The following BORCS5 variants were observed in gnomAD, a reference collection of about 807,000 sequenced individuals.
The protein encoded by BORCS5 is BLOC-1 related complex subunit 5.
In BORCS5, 17 loss-of-function variants were observed where a neutral mutation model predicts 22.1. The observed-to-expected ratio is 0.77, with a 90% confidence interval of 0.53 to 1.15. The LOEUF (loss-of-function observed/expected upper bound fraction) is 1.15, where lower values mean the gene tolerates loss of function less well. BORCS5 is among the 50% of genes most tolerant of loss of function. The probability of loss-of-function intolerance (pLI) is 0.00; values close to 1 mark genes in which losing one functional copy is unlikely to be tolerated. For synonymous variants in BORCS5, 117 were observed against 99.8 expected (o/e 1.17, Z -1.03); for missense variants, 247 against 253.2 (o/e 0.98, Z 0.17).
At chr12:12,403,064 C>G in intron 2 of BORCS5, among the ~76,000 whole-genome samples, 1 of 144,762 alleles carries the variant, frequency 6.9e-6, no homozygotes, top group Non-Finnish European at 1.5e-5. Flanking sequence ...CCACATTTCC[C>G]TTTTTTTTTT....
chr12:12,455,778 TAAAA>T (rs144613630), intron 3 of BORCS5, among the ~76,000 whole-genome samples: 1 of 142,004 alleles, frequency 7.0e-6, no homozygotes. Context: ...GACTCGGTCT[TAAAA>T]AAAAAAAAAA....
intron 3 of BORCS5, among the ~76,000 whole-genome samples, chr12:12,456,009 G>T (rs1456812955): frequency 6.6e-6 from 1 of 152,104 alleles, no homozygotes; most frequent in Non-Finnish European, 1.5e-5. Flanking sequence ...TAAGTTTTTA[G>T]AATTTAAAAG....
chr12:12,403,473 G>A (rs143894676), intron 2 of BORCS5, among the ~76,000 whole-genome samples: 107 of 152,226 alleles, frequency 7.0e-4, no homozygotes, highest in Non-Finnish European at 8.5e-4. Flanking sequence ...TCCCTAGTCC[G>A]CTGTGGGGGG....
At chr12:12,421,350 G>A (rs1022580426) in intron 2 of BORCS5, among the ~76,000 whole-genome samples, 12 of 152,086 alleles carry the variant, frequency 7.9e-5, no homozygotes, top group South Asian at 2.1e-4. Context: ...GATGGATTAC[G>A]TTTATTGATT....
intron 2 of BORCS5, among the ~76,000 whole-genome samples, chr12:12,416,537 G>A (rs1218753299): frequency 6.6e-6 from 1 of 151,822 alleles, no homozygotes; most frequent in Non-Finnish European, 1.5e-5. Context: ...TCGAACTCCT[G>A]GACTCAAGTG....
intron 3 of BORCS5, among the ~76,000 whole-genome samples, chr12:12,449,223 G>A (rs375939880): frequency 5.3e-5 from 8 of 151,986 alleles, no homozygotes; most frequent in African/African-American, 1.9e-4. Flanking sequence ...GAATTAGTCA[G>A]AAAGGGCTGG....
chr12:12,464,313 G>A (rs527799690), intron 3 of BORCS5, among the ~76,000 whole-genome samples: 155 of 152,104 alleles, frequency 1.0e-3, no homozygotes, highest in African/African-American at 3.5e-3. Context: ...GATGTGCTTC[G>A]GTCGCCTCCC....
At position 12,465,851 on chromosome 12, in the gene BORCS5, C is replaced by G; in HGVS notation, c.*75C>G. 7.7e-7 allele frequency: 1 copy of G among 1,301,922 alleles called. No individual in the cohort carries two copies. Among genetic ancestry groups the G allele is most frequent in the Non-Finnish European group, 1.1e-6 (1 of 941,582 alleles). The allele number at this position is 1,301,922 out of a possible 1,614,324, so 80.6% of individuals were successfully genotyped here. ...AGGACGTGTGGAGCTAAGGTCATAT[C>G]ATCTGACCAGGTCTGGAGGCTGGCG... On this transcript the variant is annotated 3_prime_UTR_variant, in exon 4 of 4. Transcript: ENST00000314565.
In BORCS5 at chr12:12,470,042, C is replaced by T. The variant is rs561818864; in HGVS notation, c.*4266C>T. Among the ~76,000 whole-genome samples, 165 of 152,096 alleles carry T rather than the reference C, an allele frequency of 1.1e-3. No homozygotes were observed. Among genetic ancestry groups the T allele is most frequent in the Non-Finnish European group, 2.1e-3 (144 of 68,002 alleles). ...AGTGTGCTGCACAGCAGGAGGTGAGCGGCGGATGAGCAGGTGAAGCTTCAC... is the reference window on the plus strand; with the variant it reads ...AGTGTGCTGCACAGCAGGAGGTGAGTGGCGGATGAGCAGGTGAAGCTTCAC... On this transcript the variant is annotated 3_prime_UTR_variant, in exon 4 of 4. Transcript: ENST00000314565.
At chr12:12,420,828 G>A (rs936698038) in intron 2 of BORCS5, among the ~76,000 whole-genome samples, 1 of 152,184 alleles carries the variant, frequency 6.6e-6, no homozygotes, top group African/African-American at 2.4e-5. Flanking sequence ...GTGAATGGGA[G>A]TTCACTCATA....
chr12:12,374,281 G>A (rs1177294669), intron 2 of BORCS5, among the ~76,000 whole-genome samples: 6 of 151,740 alleles, frequency 4.0e-5, no homozygotes, highest in Non-Finnish European at 7.4e-5. Flanking sequence ...GTGAGCCACC[G>A]CACCCGGCCA....
chr12:12,424,482 AG>A lies in BORCS5; in HGVS notation c.203-11145del, dbSNP rs574493620. 2.4e-4 allele frequency among the ~76,000 whole-genome samples: 36 copies of A among 152,086 alleles called. 1 individual carries two copies. In the East Asian group the frequency reaches 6.9e-3, roughly 29 times the overall value. ...TCCTTTAGCTCTTTGAGCATCTTTA[AG>A]ACAGTTGTTTTAAAGTCTTTGTCTA... On this transcript the variant is annotated intron_variant, in intron 2 of 3. Transcript: ENST00000314565.
chr12:12,418,635 T>C (rs1942034647), intron 2 of BORCS5, among the ~76,000 whole-genome samples: 1 of 152,200 alleles, frequency 6.6e-6, no homozygotes, highest in Admixed American at 6.5e-5. Flanking sequence ...TACAGTGAGC[T>C]ATCATCATGC....
intron 3 of BORCS5, among the ~76,000 whole-genome samples, chr12:12,459,438 G>A (rs2136157612): frequency 6.6e-6 from 1 of 151,826 alleles, no homozygotes; most frequent in South Asian, 2.1e-4. Context: ...AGCCTCCCAA[G>A]TAGCTGGGAC....
At chr12:12,430,317 A>C (rs1255316203) in intron 2 of BORCS5, among the ~76,000 whole-genome samples, 3 of 151,520 alleles carry the variant, frequency 2.0e-5, no homozygotes, top group Non-Finnish European at 4.4e-5. Context: ...CGCCTGGCTA[A>C]TTTTTTTATA....
chr12:12,374,936 CAG>C (rs1863614702), intron 2 of BORCS5, among the ~76,000 whole-genome samples: 2 of 144,222 alleles, frequency 1.4e-5, no homozygotes, highest in Non-Finnish European at 1.5e-5. Context: ...GCCTGGGTGA[CAG>C]AGTGAGACTG....
At position 12,389,381 on chromosome 12, in the gene BORCS5, A is replaced by G. The variant is rs1418806118; in HGVS notation, c.202+28032A>G. 5.3e-5 allele frequency among the ~76,000 whole-genome samples: 8 copies of G among 150,024 alleles called. 1 individual carries two copies. The highest frequency in any genetic ancestry group is 2.5e-5 in the African/African-American group (1 of 40,628). On this transcript the variant is annotated intron_variant, in intron 2 of 3. Coordinates refer to ENST00000314565, the MANE Select transcript of BORCS5 (RefSeq NM_058169.6). Reference sequence around the variant, plus strand: ...TCGAACTCTTGACCTTAGGTGATCCACCCGCCTTGGCCTCCCAAAGTGCTG... The same window carrying G: ...TCGAACTCTTGACCTTAGGTGATCCGCCCGCCTTGGCCTCCCAAAGTGCTG...
At chr12:12,413,829 CGGG>C (rs953378387) in intron 2 of BORCS5, among the ~76,000 whole-genome samples, 5 of 71,442 alleles carry the variant, frequency 7.0e-5, no homozygotes, top group Non-Finnish European at 1.4e-4. Context: ...GCTGGCCAGG[CGGG>C]GGGCTGGCCC....
intron 2 of BORCS5, among the ~76,000 whole-genome samples, chr12:12,398,282 A>C (rs1941396045): frequency 6.6e-6 from 1 of 152,188 alleles, no homozygotes; most frequent in Non-Finnish European, 1.5e-5. Context: ...CAACTCTTTA[A>C]AATTTTTTTT....
Sources: allele counts gnomAD v4.1 joint callset (sites outside exome capture counted in the v4.1 genomes callset), GRCh38; gene constraint gnomAD v4.1.1; transcripts MANE v1.5; gene names NCBI Gene and HGNC (gene_info 2026-07-23, HGNC 2026-07-21).